TENM2: variants seen among roughly 807,000 people sequenced by gnomAD.
TENM2 encodes teneurin transmembrane protein 2.
Under a neutral mutation model 245.2 loss-of-function variants are expected in TENM2, and 52 were observed. That is an observed-to-expected ratio of 0.21 (90% confidence interval 0.17 to 0.27). The LOEUF is 0.27. Ranked by LOEUF, TENM2 falls within the 10% of genes least tolerant of loss-of-function variation. The pLI is 1.00. For missense variants in TENM2, 3,046 were observed against 3,666.8 expected (o/e 0.83, Z 4.37); for synonymous variants, 1,363 against 1,438.9 (o/e 0.95, Z 1.19).
chr5:167,785,647 G>A (rs1041658512), intron 2 of TENM2, among the ~76,000 whole-genome samples: 6 of 152,178 alleles, frequency 3.9e-5, no homozygotes, highest in African/African-American at 1.2e-4. Flanking sequence ...AAGTAGGCAG[G>A]TGTGTTAGCC....
At chr5:167,349,656 A>G (rs1758697607) in intron 1 of TENM2, among the ~76,000 whole-genome samples, 1 of 152,196 alleles carries the variant, frequency 6.6e-6, no homozygotes, top group African/African-American at 2.4e-5. Flanking sequence ...ATATGTACAC[A>G]CACAGAATAT....
intron 2 of TENM2, among the ~76,000 whole-genome samples, chr5:167,684,888 A>G (rs552769782): frequency 6.6e-6 from 1 of 152,298 alleles, no homozygotes; most frequent in African/African-American, 2.4e-5. Context: ...ACTGCAACAT[A>G]CAGAGCTGAA....
the TENM2 span, among the ~76,000 whole-genome samples, chr5:167,198,460 A>G: frequency 2.0e-5 from 3 of 152,056 alleles, no homozygotes; most frequent in Non-Finnish European, 4.4e-5. Context: ...ATTACATACA[A>G]GAAATAGAAT....
Position 167,353,493 on chromosome 5 carries a change from TG to T in TENM2, c.227-21704del, listed in dbSNP as rs1235449136. Among the ~76,000 whole-genome samples, 11 of 110,602 alleles carry T rather than the reference TG, an allele frequency of 9.9e-5. 1 individual carries two copies. Among genetic ancestry groups the T allele is most frequent in the Middle Eastern group, 4.3e-3 (1 of 234 alleles). 72.6% of individuals were successfully genotyped at this position (110,602 alleles called of 152,430 possible). A position where few individuals can be genotyped will look rare whatever the true frequency, so the allele number is the denominator to read the frequency against. ...AATAGTATATGGTGTTTTTTGTTGT[TG>T]TTGTTGTTTTTTTTTTTTTTTTTTT... On this transcript the variant is annotated intron_variant, in intron 1 of 28. Coordinates refer to ENST00000518659, the Ensembl canonical transcript of TENM2.
chr5:167,101,435 G>A, the TENM2 span, among the ~76,000 whole-genome samples: 1 of 152,090 alleles, frequency 6.6e-6, no homozygotes. Context: ...CACTTGCTAA[G>A]ACATTATATT....
At chr5:168,014,971 A>G (rs145156828) in intron 5 of TENM2, among the ~76,000 whole-genome samples, 5 of 152,320 alleles carry the variant, frequency 3.3e-5, no homozygotes, top group Admixed American at 2.0e-4. Flanking sequence ...TGATCTGTGT[A>G]GACTGGTGAA....
the TENM2 span, among the ~76,000 whole-genome samples, chr5:166,995,372 T>C: frequency 6.6e-6 from 1 of 151,940 alleles, no homozygotes; most frequent in African/African-American, 2.4e-5. Context: ...CCAGAGTAGC[T>C]GGGACTACAG....
At chr5:168,138,551 G>A (rs1755264255) in intron 12 of TENM2, among the ~76,000 whole-genome samples, 1 of 152,196 alleles carries the variant, frequency 6.6e-6, no homozygotes, top group African/African-American at 2.4e-5. Flanking sequence ...GGTGCTCGTG[G>A]CCCTCCTGCT....
chr5:167,304,230 G>A (rs1287080873), intron 1 of TENM2, among the ~76,000 whole-genome samples: 1 of 152,180 alleles, frequency 6.6e-6, no homozygotes, highest in Non-Finnish European at 1.5e-5. Flanking sequence ...ACAGCCTAAG[G>A]CTCCTGGGAA....
chr5:167,743,710 A>G (rs148059405), intron 2 of TENM2, among the ~76,000 whole-genome samples: 25 of 152,310 alleles, frequency 1.6e-4, no homozygotes, highest in African/African-American at 5.5e-4. Context: ...ACAAAAGAGT[A>G]ATAAAGTTAA....
intron 2 of TENM2, among the ~76,000 whole-genome samples, chr5:167,862,736 C>T (rs183547311): frequency 6.6e-5 from 10 of 152,146 alleles, no homozygotes; most frequent in Admixed American, 3.3e-4. Context: ...CTGACCTTGA[C>T]GAAGAAAGTA....
chr5:167,520,955 C>A (rs1205238856), intron 2 of TENM2, among the ~76,000 whole-genome samples: 1 of 143,938 alleles, frequency 6.9e-6, no homozygotes, highest in Non-Finnish European at 1.5e-5. Context: ...TTTTTGGTGC[C>A]AGGTCATGTT....
the TENM2 span, among the ~76,000 whole-genome samples, chr5:167,095,768 CTTTT>C: frequency 9.2e-5 from 12 of 129,790 alleles, no homozygotes; most frequent in Admixed American, 1.6e-4. Context: ...GAAAGCCTTT[CTTTT>C]TTTTTTTTTT....
At chr5:167,696,777 C>A (rs1757795448) in intron 2 of TENM2, among the ~76,000 whole-genome samples, 1 of 152,174 alleles carries the variant, frequency 6.6e-6, no homozygotes, top group Non-Finnish European at 1.5e-5. Flanking sequence ...GTGCTACAGC[C>A]TCCTGAGGAT....
intron 2 of TENM2, among the ~76,000 whole-genome samples, chr5:167,419,242 G>A (rs1277983864): frequency 6.6e-5 from 10 of 152,120 alleles, no homozygotes; most frequent in African/African-American, 1.9e-4. Flanking sequence ...TGGGCAGATC[G>A]CTTGAGGTCA....
intron 13 of TENM2, among the ~76,000 whole-genome samples, chr5:168,170,068 C>T (rs548078900): frequency 7.9e-5 from 12 of 152,314 alleles, no homozygotes; most frequent in African/African-American, 2.9e-4. Context: ...GAACACATAG[C>T]AACAGGGATC....
exon 5 of TENM2, chr5:167,993,070 C>G: frequency 1.2e-6 from 2 of 1,614,016 alleles, no homozygotes; most frequent in Non-Finnish European, 1.7e-6. Flanking sequence ...ATACTTTCTC[C>G]AGGAAGGCTT....
intron 3 of TENM2, among the ~76,000 whole-genome samples, chr5:167,915,779 T>C (rs1018830022): frequency 2.6e-5 from 4 of 152,214 alleles, no homozygotes; most frequent in Admixed American, 6.5e-5. Context: ...TAGGAAAACA[T>C]ACTCAGCATT....
chr5:168,203,621 A>G, intron 17 of TENM2, 68 bp from the exon 20 acceptor site: 1 of 1,429,882 alleles, frequency 7.0e-7, no homozygotes, highest in Non-Finnish European at 9.4e-7. Context: ...TTCTTGCTAC[A>G]GAGCTCTGGA....
Sources: gnomAD v4.1 joint callset for allele counts (sites outside exome capture counted in the v4.1 genomes callset) on GRCh38, gnomAD v4.1.1 for gene constraint, MANE v1.5 for transcripts, NCBI Gene and HGNC (gene_info 2026-07-23, HGNC 2026-07-21) for gene names.